Variants in FBXW7 observed in about 807,000 individuals in gnomAD.
FBXW7 encodes F-box and WD repeat domain containing 7.
FBXW7 carries 11 observed loss-of-function variants against 86.3 expected under a neutral mutation model. The ratio of observed to expected loss-of-function variants is 0.13; its 90% CI spans 0.08 to 0.21. The LOEUF is 0.21. Among genes scored for constraint, FBXW7 ranks in the 10% least tolerant of loss-of-function variants. The pLI, the probability that FBXW7 is intolerant of heterozygous loss-of-function variation, is 1.00. For synonymous variants in FBXW7, 313 were observed against 297.9 expected (o/e 1.05, Z -0.52); for missense variants, 488 against 847.4 (o/e 0.58, Z 5.27).
intron 4 of FBXW7, among the ~76,000 whole-genome samples, chr4:152,407,626 T>C (rs567605295): frequency 6.6e-6 from 1 of 152,348 alleles, no homozygotes; most frequent in African/African-American, 2.4e-5. Context: ...GATTGGTTAA[T>C]GATCCTATTA....
intron 4 of FBXW7, among the ~76,000 whole-genome samples, chr4:152,406,296 T>C (rs1255193569): frequency 6.6e-6 from 1 of 152,128 alleles, no homozygotes; most frequent in East Asian, 1.9e-4. Flanking sequence ...TGAAACCTCA[T>C]AATTAAAATA....
At chr4:152,449,955 G>T (rs4146039) in intron 2 of FBXW7, among the ~76,000 whole-genome samples, 3 of 152,058 alleles carry the variant, frequency 2.0e-5, no homozygotes, top group South Asian at 4.1e-4. Flanking sequence ...CCTTTTTGGG[G>T]AAGATAGTCT....
chr4:152,466,943 A>AAATAATAAT (rs199581983), intron 2 of FBXW7, among the ~76,000 whole-genome samples: 2 of 152,044 alleles, frequency 1.3e-5, no homozygotes, highest in South Asian at 4.1e-4. Flanking sequence ...TTCCGTCTCA[A>AAATAATAAT]AATAATAATA....
chr4:152,485,622 T>C (rs558674704), intron 2 of FBXW7, among the ~76,000 whole-genome samples: 2 of 152,304 alleles, frequency 1.3e-5, no homozygotes, highest in East Asian at 1.9e-4. Context: ...AAAGAACCAA[T>C]AGAAGCAATG....
In FBXW7 at chr4:152,419,494, A is replaced by AAAACACACACACACACAC. The variant is rs370794631; in HGVS notation, c.-119-6966_-119-6965insGTGTGTGTGTGTGTGTTT. ...TGGTAAGGCCCACTAGGATAAGGTA[A>AAAACACACACACACACAC]ACACACACACACACACACACACACA... is the stretch of plus-strand genomic sequence containing the variant. On this transcript the variant is annotated intron_variant, in intron 2 of 13. Transcript: ENST00000281708. Among the ~76,000 whole-genome samples, 180 of 123,328 alleles carry AAAACACACACACACACAC rather than the reference A, an allele frequency of 1.5e-3. 1 individual carries two copies. The highest frequency in any genetic ancestry group is 4.0e-3 in the Middle Eastern group (1 of 250). The allele number at this position is 123,328 out of a possible 152,430, so 80.9% of individuals were successfully genotyped here.
At chr4:152,353,491 CATAAGA>C (rs915923327) in intron 4 of FBXW7, among the ~76,000 whole-genome samples, 4 of 152,178 alleles carry the variant, frequency 2.6e-5, no homozygotes, top group Admixed American at 2.6e-4. Context: ...TCTTACTAAT[CATAAGA>C]ATATCTTTGT....
In FBXW7 at chr4:152,409,975, A is replaced by G. The variant is rs566910924; in HGVS notation, c.501+1328T>C. Among the ~76,000 whole-genome samples, 5 of 152,326 alleles carry G rather than the reference A, an allele frequency of 3.3e-5. No homozygotes were observed. The South Asian group carries it at 1.0e-3, about 32-fold the overall frequency. On this transcript the variant is annotated intron_variant, in intron 4 of 13. Coordinates refer to ENST00000281708, the MANE Select transcript of FBXW7 (RefSeq NM_001349798.2). Reference sequence around the variant, plus strand: ...AAAATTTTACATCTTGAAGGTAAAGAAAAGATAAAGCACCTGTCAAACTTG... The same window carrying G: ...AAAATTTTACATCTTGAAGGTAAAGGAAAGATAAAGCACCTGTCAAACTTG...
intron 4 of FBXW7, among the ~76,000 whole-genome samples, chr4:152,355,483 A>T (rs1732283208): frequency 6.6e-6 from 1 of 152,198 alleles, no homozygotes; most frequent in Admixed American, 6.5e-5. Context: ...AAGTTAGTCA[A>T]CCAAACAGCT....
chr4:152,467,400 C>T, intron 2 of FBXW7, among the ~76,000 whole-genome samples: 1 of 152,280 alleles, frequency 6.6e-6, no homozygotes, highest in East Asian at 1.9e-4. Flanking sequence ...GTCAATTAAG[C>T]CTCTTTCCTT....
At chr4:152,498,734 T>C (rs1159683089) in intron 2 of FBXW7, among the ~76,000 whole-genome samples, 2 of 152,272 alleles carry the variant, frequency 1.3e-5, no homozygotes, top group East Asian at 3.9e-4. Flanking sequence ...GCTGCTGGGA[T>C]GGTATAAGAA....
At chr4:152,493,312 G>A (rs1746034335) in intron 2 of FBXW7, among the ~76,000 whole-genome samples, 1 of 151,884 alleles carries the variant, frequency 6.6e-6, no homozygotes, top group African/African-American at 2.4e-5. Flanking sequence ...TTACAGACAT[G>A]TGCCACCAAA....
At position 152,528,460 on chromosome 4, in the gene FBXW7, T is replaced by G. The variant is rs72955086; in HGVS notation, c.-120+6481A>C. 4.6e-3 allele frequency among the ~76,000 whole-genome samples: 698 copies of G among 152,344 alleles called. 4 individuals are homozygous for G. Among genetic ancestry groups the G allele is most frequent in the African/African-American group, 0.016 (671 of 41,576 alleles). ...CACTGGCTCTCATATTTTCTTCTTA[T>G]AAGCCTTCTGCTTTACAGAAATCAA... is the stretch of plus-strand genomic sequence containing the variant. On this transcript the variant is annotated intron_variant, in intron 2 of 13. Transcript: ENST00000281708.
At chr4:152,336,084 T>C (rs1434713051) in intron 7 of FBXW7, among the ~76,000 whole-genome samples, 1 of 152,162 alleles carries the variant, frequency 6.6e-6, no homozygotes, top group Non-Finnish European at 1.5e-5. Context: ...ATGTTTTCTA[T>C]ATCATTATTT....
At chr4:152,499,540 T>C (rs1033658994) in intron 2 of FBXW7, among the ~76,000 whole-genome samples, 2 of 152,100 alleles carry the variant, frequency 1.3e-5, no homozygotes, top group South Asian at 2.1e-4. Context: ...CTGTTCCTCA[T>C]ATGGAGGTAA....
chr4:152,326,307 A>ATGG (rs1482239012), intron 11 of FBXW7, 76 bp from the exon 12 acceptor site: 3 of 1,126,240 alleles, frequency 2.7e-6, no homozygotes, highest in Non-Finnish European at 3.9e-6. Context: ...ATGAGAAAAC[A>ATGG]TGGTAGATTT....
At chr4:152,449,595 AG>A (rs1371925613) in intron 2 of FBXW7, among the ~76,000 whole-genome samples, 1 of 152,214 alleles carries the variant, frequency 6.6e-6, no homozygotes, top group Non-Finnish European at 1.5e-5. Context: ...ACTGACCACA[AG>A]TAAAAAGCCA....
chr4:152,498,961 G>A (rs938889449), intron 2 of FBXW7, among the ~76,000 whole-genome samples: 4 of 152,076 alleles, frequency 2.6e-5, no homozygotes, highest in Non-Finnish European at 4.4e-5. Flanking sequence ...AAAGTTAGAC[G>A]ATCAATCAGG....
At chr4:152,460,070 C>T (rs756971387) in intron 2 of FBXW7, among the ~76,000 whole-genome samples, 4 of 152,108 alleles carry the variant, frequency 2.6e-5, no homozygotes, top group Admixed American at 1.3e-4. Flanking sequence ...TAGTAATGAA[C>T]GAACAACACT....
At chr4:152,386,442 T>C (rs1294367165) in intron 4 of FBXW7, among the ~76,000 whole-genome samples, 1 of 152,064 alleles carries the variant, frequency 6.6e-6, no homozygotes, top group African/African-American at 2.4e-5. Context: ...ATAGTGTTAA[T>C]TAAACTGTCA....
Sources: allele counts gnomAD v4.1 joint callset (sites outside exome capture counted in the v4.1 genomes callset), GRCh38; gene constraint gnomAD v4.1.1; transcripts MANE v1.5; gene names NCBI Gene and HGNC (gene_info 2026-07-23, HGNC 2026-07-21).